The following OCA2 variants were observed in gnomAD, a reference collection of about 807,000 sequenced individuals.
OCA2 encodes OCA2 melanosomal transmembrane protein, also known as P protein.
In OCA2, 77 loss-of-function variants were observed where a neutral mutation model predicts 100.2. The ratio of observed to expected loss-of-function variants is 0.77; its 90% confidence interval spans 0.64 to 0.93. The LOEUF (loss-of-function observed/expected upper bound fraction) is 0.93, where lower values mean the gene tolerates loss of function less well. Ranked by LOEUF, OCA2 falls within the 40% of genes least tolerant of loss-of-function variation. The probability of loss-of-function intolerance (pLI) is 0.00; values close to 1 mark genes in which losing one functional copy is unlikely to be tolerated. For synonymous variants in OCA2, 432 were observed against 439.2 expected (o/e 0.98, Z 0.21); for missense variants, 1,062 against 1,089.1 (o/e 0.98, Z 0.35).
chr15:28,012,261 C>A (rs1027976087), intron 9 of OCA2, among the ~76,000 whole-genome samples: 1 of 152,198 alleles, frequency 6.6e-6, no homozygotes, highest in Non-Finnish European at 1.5e-5. Flanking sequence ...AATAGAAAGA[C>A]CACACCCTGT....
At chr15:27,889,868 C>T (rs1352672368) in intron 19 of OCA2, among the ~76,000 whole-genome samples, 1 of 152,188 alleles carries the variant, frequency 6.6e-6, no homozygotes, top group South Asian at 2.1e-4. Flanking sequence ...TGACTCATCA[C>T]CTCCCAGAGT....
chr15:27,845,752 G>A (rs1042439814), intron 22 of OCA2, among the ~76,000 whole-genome samples: 38 of 152,246 alleles, frequency 2.5e-4, no homozygotes, highest in African/African-American at 7.9e-4. Flanking sequence ...CGTGATTTGG[G>A]CTCAGCCAGT....
intron 23 of OCA2, among the ~76,000 whole-genome samples, chr15:27,802,838 A>C (rs2033670067): frequency 6.6e-6 from 1 of 152,184 alleles, no homozygotes; most frequent in Non-Finnish European, 1.5e-5. Flanking sequence ...ACACAGAAGA[A>C]AATCTTTTTG....
intron 23 of OCA2, among the ~76,000 whole-genome samples, chr15:27,802,105 C>T (rs1038947360): frequency 4.6e-5 from 7 of 152,056 alleles, no homozygotes; most frequent in Non-Finnish European, 8.8e-5. Context: ...TGTAGTAAGG[C>T]TGCAGGATAT....
chr15:27,841,550 A>T (rs2035342675), intron 23 of OCA2, among the ~76,000 whole-genome samples: 1 of 152,248 alleles, frequency 6.6e-6, no homozygotes, highest in African/African-American at 2.4e-5. Flanking sequence ...GAAAGCAAAA[A>T]GTATAGATAA....
At chr15:27,910,131 A>G (rs2594913) in intron 19 of OCA2, among the ~76,000 whole-genome samples, 96,553 of 151,998 alleles carry the variant, frequency 0.64, 31,272 homozygotes, top group East Asian at 0.96. Context: ...TTATCATTAA[A>G]GAAATGCAAA....
intron 11 of OCA2, among the ~76,000 whole-genome samples, chr15:27,988,530 A>G (rs1394613395): frequency 6.6e-6 from 1 of 152,170 alleles, no homozygotes; most frequent in Non-Finnish European, 1.5e-5. Context: ...AGAAGGTGCC[A>G]TCTACAAGCC....
intron 23 of OCA2, among the ~76,000 whole-genome samples, chr15:27,771,855 C>T (rs1212590521): frequency 6.6e-6 from 1 of 152,208 alleles, no homozygotes; most frequent in East Asian, 1.9e-4. Context: ...CCCCCAAAAT[C>T]GCCTCCTGGC....
intron 23 of OCA2, among the ~76,000 whole-genome samples, chr15:27,769,266 A>G (rs928483727): frequency 6.6e-6 from 1 of 152,212 alleles, no homozygotes; most frequent in Non-Finnish European, 1.5e-5. Flanking sequence ...ACAAATCACG[A>G]TGCACACGTC....
At chr15:28,032,471 T>C (rs1426864737) in intron 2 of OCA2, among the ~76,000 whole-genome samples, 1 of 152,150 alleles carries the variant, frequency 6.6e-6, no homozygotes, top group African/African-American at 2.4e-5. Context: ...TGCTATTTCA[T>C]GCAGAGCTTC....
chr15:28,013,229 G>GGAACC (rs2042290965), intron 9 of OCA2, among the ~76,000 whole-genome samples: 3 of 152,140 alleles, frequency 2.0e-5, no homozygotes, highest in African/African-American at 7.2e-5. Flanking sequence ...ATAGGATAGA[G>GGAACC]CAGCTAATTA....
the OCA2 span, among the ~76,000 whole-genome samples, chr15:27,724,812 C>T: frequency 8.6e-6 from 1 of 115,822 alleles, no homozygotes; most frequent in South Asian, 2.5e-4. Context: ...CTGTGAGAGA[C>T]GCTTTTTTTT....
At chr15:27,817,140 A>T (rs1387608694) in intron 23 of OCA2, among the ~76,000 whole-genome samples, 1 of 151,984 alleles carries the variant, frequency 6.6e-6, no homozygotes, top group East Asian at 1.9e-4. Context: ...TCCTGTCTGT[A>T]TTTTTCGCCT....
At chr15:27,997,533 C>T in intron 9 of OCA2, among the ~76,000 whole-genome samples, 1 of 151,910 alleles carries the variant, frequency 6.6e-6, no homozygotes, top group African/African-American at 2.4e-5. Context: ...TTCCATTGAT[C>T]TATATCTCTG....
rs142615649 is a variant in OCA2, at chr15:27,996,870, C to T, written c.1045-6223G>A. ...AATTCTACCAAACATTTAAAGAATGCCAATACTGGAACTTTTGTAAAACTT... is the reference window on the plus strand; with the variant it reads ...AATTCTACCAAACATTTAAAGAATGTCAATACTGGAACTTTTGTAAAACTT... On this transcript the variant is annotated intron_variant, in intron 9 of 23. Coordinates refer to ENST00000354638, the MANE Select transcript of OCA2 (RefSeq NM_000275.3). Among the ~76,000 whole-genome samples the T allele has an allele frequency of 7.5e-3, 1,145 of 151,954 alleles. 19 individuals are homozygous for T. The highest frequency in any genetic ancestry group is 0.026 in the African/African-American group (1,091 of 41,478).
chr15:28,091,149 T>C (rs540820134), intron 1 of OCA2, among the ~76,000 whole-genome samples: 2 of 152,294 alleles, frequency 1.3e-5, no homozygotes, highest in South Asian at 2.1e-4. Context: ...ATAAAATGGG[T>C]AATGTCAATA....
intron 22 of OCA2, among the ~76,000 whole-genome samples, chr15:27,846,538 G>T (rs189113378): frequency 1.8e-3 from 274 of 152,270 alleles, no homozygotes; most frequent in African/African-American, 6.1e-3. Context: ...TCCCATTAAG[G>T]ATTAGTGATT....
intron 2 of OCA2, among the ~76,000 whole-genome samples, chr15:28,051,926 C>T (rs1317689160): frequency 2.0e-5 from 3 of 152,146 alleles, no homozygotes; most frequent in African/African-American, 7.2e-5. Context: ...AACATACATT[C>T]ATCATGAGAA....
intron 3 of OCA2, 97 bp downstream of exon 3, chr15:28,031,968 A>T: frequency 1.2e-6 from 1 of 868,156 alleles, no homozygotes; most frequent in East Asian, 2.4e-5. Flanking sequence ...GAGGTTAAAC[A>T]TGTCCAATAA....
Sources: gnomAD v4.1 joint callset for allele counts (sites outside exome capture counted in the v4.1 genomes callset) on GRCh38, gnomAD v4.1.1 for gene constraint, MANE v1.5 for transcripts, NCBI Gene and HGNC (gene_info 2026-07-23, HGNC 2026-07-21) for gene names.